Variants in HIF1A observed in about 807,000 individuals in gnomAD.
HIF1A encodes hypoxia inducible factor 1 subunit alpha, also known as hypoxia-inducible factor 1-alpha.
A neutral mutation model predicts 92.7 loss-of-function variants in HIF1A; 24 were observed. The ratio of observed to expected loss-of-function variants is 0.26; its 90% CI spans 0.19 to 0.36. HIF1A has a LOEUF of 0.36. HIF1A is among the 10% of genes least tolerant of loss of function. HIF1A has a pLI of 1.00. For synonymous variants in HIF1A, 319 were observed against 338.7 expected (o/e 0.94, Z 0.64); for missense variants, 799 against 998.5 (o/e 0.80, Z 2.69).
intron 1 of HIF1A, among the ~76,000 whole-genome samples, chr14:61,701,857 G>C (rs578083162): frequency 2.0e-5 from 3 of 151,990 alleles, no homozygotes; most frequent in Non-Finnish European, 4.4e-5. Flanking sequence ...GCGTGGTGGC[G>C]GGTGCCTGTA....
chr14:61,720,354 TCGTGTTTTTCTTGTTGTTGTTA>T lies in HIF1A; in HGVS notation c.36-27_36-6del. On this transcript the variant is annotated splice_polypyrimidine_tract_variant and splice_region_variant and intron_variant, in intron 1 of 14. Coordinates refer to ENST00000337138, the MANE Select transcript of HIF1A (RefSeq NM_001530.4). ...AACTAACTTGTATACACTTTCCATC[TCGTGTTTTTCTTGTTGTTGTTA>T]AGTAGGATAAGTTCTGAACGTCGAA... The T allele has an allele frequency of 7.1e-6, 11 of 1,556,468 alleles. No homozygotes were observed. Among genetic ancestry groups the T allele is most frequent in the Non-Finnish European group, 8.7e-6 (10 of 1,146,316 alleles).
In HIF1A at chr14:61,746,991, C is replaced by T; in HGVS notation, c.2387C>T (p.Thr796Ile). 1 of 1,613,646 alleles carries T rather than the reference C, an allele frequency of 6.2e-7. No individual in the cohort carries two copies. Among genetic ancestry groups the T allele is most frequent in the African/African-American group, 1.3e-5 (1 of 75,012 alleles). ...SMDESGLPQL[T>I]SYDCEVNAPI... ...GATGAAAGTGGATTACCACAGCTGA[C>T]CAGTTATGATTGTGAAGTTAATGCT... Residue 796 changes from threonine (T) to isoleucine (I), a missense_variant, in exon 15 of 15, where the codon ACC becomes ATC. By Grantham distance (89) the Thr-to-Ile change is moderately conservative. Transcript: ENST00000337138.
intron 12 of HIF1A, among the ~76,000 whole-genome samples, chr14:61,741,457 C>T (rs1178754660): frequency 6.6e-6 from 1 of 151,670 alleles, no homozygotes; most frequent in Non-Finnish European, 1.5e-5. Context: ...CCTCTGCCTC[C>T]TGGGTGCAAG....
intron 7 of HIF1A, 84 bp downstream of exon 7, chr14:61,732,608 C>G: frequency 1.2e-6 from 1 of 814,008 alleles, no homozygotes; most frequent in Non-Finnish European, 2.0e-6. Context: ...ATCTAATTCT[C>G]TGGTTAAAAG....
In HIF1A at chr14:61,713,488, G is replaced by A. The variant is rs10148312; in HGVS notation, c.36-6894G>A. 5.4e-3 allele frequency among the ~76,000 whole-genome samples: 826 copies of A among 152,228 alleles called. 10 individuals carry two copies. Among genetic ancestry groups the A allele is most frequent in the African/African-American group, 0.019 (785 of 41,552 alleles). ...ATTTGAAATGTTGAATGTCCTTCAC[G>A]ATGCAGCTAGACAAGCATTTGGGAA... On this transcript the variant is annotated intron_variant, in intron 1 of 14. Coordinates refer to ENST00000337138, the MANE Select transcript of HIF1A (RefSeq NM_001530.4).
chr14:61,713,693 C>G (rs1255088403), intron 1 of HIF1A, among the ~76,000 whole-genome samples: 1 of 152,168 alleles, frequency 6.6e-6, no homozygotes, highest in Non-Finnish European at 1.5e-5. Flanking sequence ...TTAATATCCT[C>G]TATTATAAAC....
chr14:61,708,868 A>G (rs572570196), intron 1 of HIF1A, among the ~76,000 whole-genome samples: 5 of 152,276 alleles, frequency 3.3e-5, no homozygotes, highest in African/African-American at 9.6e-5. Flanking sequence ...AACTTTACAT[A>G]CACATTTTTG....
At chr14:61,744,670 C>A in intron 12 of HIF1A, 35 bp from the exon 13 acceptor site, 3 of 861,336 alleles carry the variant, frequency 3.5e-6, no homozygotes, top group South Asian at 1.6e-5. Flanking sequence ...TTTTTAAAAA[C>A]GCTATATTTT....
intron 1 of HIF1A, among the ~76,000 whole-genome samples, chr14:61,713,618 G>A (rs1273249482): frequency 2.0e-5 from 3 of 152,030 alleles, no homozygotes; most frequent in South Asian, 4.2e-4. Context: ...CACAGTGCAT[G>A]GTACTTGATA....
At chr14:61,725,895 C>T (rs571729263) in intron 4 of HIF1A, among the ~76,000 whole-genome samples, 1 of 151,848 alleles carries the variant, frequency 6.6e-6, no homozygotes, top group Non-Finnish European at 1.5e-5. Flanking sequence ...TCTCAGCTCA[C>T]TGCAACCTCT....
At chr14:61,740,062 A>ATTTTTTTTTTTTTTTTT (rs36189686) in intron 10 of HIF1A, 2 of 94,150 alleles carry the variant, frequency 2.1e-5, no homozygotes, top group African/African-American at 4.0e-5. Context: ...ATTTTCACAA[A>ATTTTTTTTTTTTTTTTT]TTTTTTTTTT....
intron 12 of HIF1A, among the ~76,000 whole-genome samples, chr14:61,742,752 C>G (rs1041311496): frequency 4.0e-5 from 6 of 151,802 alleles, no homozygotes; most frequent in African/African-American, 9.7e-5. Context: ...GGCGTGGTGG[C>G]ACGTGCCTGT....
intron 1 of HIF1A, among the ~76,000 whole-genome samples, chr14:61,709,958 G>C (rs959390634): frequency 3.3e-5 from 5 of 152,146 alleles, no homozygotes; most frequent in Non-Finnish European, 7.4e-5. Context: ...AAAAATTTGT[G>C]ATCCTGGTAT....
chr14:61,723,795 A>G (rs895252995), intron 4 of HIF1A, among the ~76,000 whole-genome samples: 9 of 152,348 alleles, frequency 5.9e-5, no homozygotes, highest in African/African-American at 2.2e-4. Context: ...AGATAGTCTT[A>G]ATATAGTTTA....
intron 14 of HIF1A, 74 bp from the exon 15 acceptor site, chr14:61,746,860 A>G: frequency 8.2e-7 from 1 of 1,217,754 alleles, no homozygotes; most frequent in Non-Finnish European, 1.2e-6. Flanking sequence ...TATGATACCT[A>G]ACACATTGTG....
At position 61,726,770 on chromosome 14, in the gene HIF1A, C is replaced by G. The variant is rs748985813; in HGVS notation, c.522C>G (p.Thr174=). 1 of 1,608,458 alleles carries G rather than the reference C, an allele frequency of 6.2e-7. No individual in the cohort carries two copies. The highest frequency in any genetic ancestry group is 8.5e-7 in the Non-Finnish European group (1 of 1,177,632). Residue 174 remains threonine, a synonymous_variant, in exon 5 of 15, where the codon ACC becomes ACG. Transcript: ENST00000337138. ...QRSFFLRMKC[T]LTSRGRTMNI... ...GCTTTTTTCTCAGAATGAAGTGTAC[C>G]CTAACTAGCCGAGGAAGAACTATGA... is the stretch of plus-strand genomic sequence containing the variant.
chr14:61,742,907 A>AG lies in HIF1A; in HGVS notation c.2093+1720dup, dbSNP rs1555339624. Among the ~76,000 whole-genome samples, 452 of 105,868 alleles carry AG rather than the reference A, an allele frequency of 4.3e-3. 39 individuals carry two copies. Among genetic ancestry groups the AG allele is most frequent in the African/African-American group, 0.012 (342 of 29,474 alleles). 69.5% of individuals were successfully genotyped at this position (105,868 alleles called of 152,430 possible). ...TTTCAAAAAAAAAAAAAAAAAAAAAAGTTGTTGGACTGACAGATGCATGAA... is the reference window on the plus strand; with the variant it reads ...TTTCAAAAAAAAAAAAAAAAAAAAAAGGTTGTTGGACTGACAGATGCATGAA... On this transcript the variant is annotated intron_variant, in intron 12 of 14. Transcript: ENST00000337138.
At position 61,727,535 on chromosome 14, in the gene HIF1A, C is replaced by A. The variant is rs1287949987; in HGVS notation, c.653C>A (p.Thr218Asn). 6.2e-7 allele frequency: 1 copy of A among 1,613,522 alleles called. No individual in the cohort carries two copies. ...PQCGYKKPPM[T>N]CLVLICEPIP... is the part of the protein sequence containing the mutation. ...TGTGGGTATAAGAAACCACCTATGA[C>A]CTGCTTGGTGCTGATTTGTGAACCC... The change falls in exon 6 of 15, where the codon ACC (threonine) becomes AAC (asparagine). Residue 218 changes from threonine (T) to asparagine (N), a missense_variant. Coordinates refer to ENST00000337138, the MANE Select transcript of HIF1A (RefSeq NM_001530.4).
At chr14:61,743,074 T>A (rs1219145674) in intron 12 of HIF1A, among the ~76,000 whole-genome samples, 1 of 152,056 alleles carries the variant, frequency 6.6e-6, no homozygotes, top group Non-Finnish European at 1.5e-5. Flanking sequence ...CTTTAGCAAT[T>A]TATTTTTGAG....
Sources: gnomAD v4.1 joint callset for allele counts (sites outside exome capture counted in the v4.1 genomes callset) on GRCh38, gnomAD v4.1.1 for gene constraint, MANE v1.5 for transcripts, NCBI Gene and HGNC (gene_info 2026-07-23, HGNC 2026-07-21) for gene names.